Variants in SEC22A observed in about 807,000 individuals in gnomAD.
The protein encoded by SEC22A is SEC22 homolog A, vesicle trafficking protein.
In SEC22A, 22 loss-of-function variants were observed where a neutral mutation model predicts 35.3. That is an observed-to-expected ratio of 0.62 (90% CI 0.45 to 0.89). The LOEUF is 0.89. Ranked by LOEUF, SEC22A falls within the 40% of genes least tolerant of loss-of-function variation. The pLI is 0.00. For missense variants in SEC22A, 354 were observed against 362.5 expected, an observed-to-expected ratio of 0.98 and a Z score of 0.19; for synonymous variants, 119 against 129.5, an observed-to-expected ratio of 0.92 and a Z score of 0.55.
chr3:123,242,575 A>G (rs527358895), intron 4 of SEC22A, among the ~76,000 whole-genome samples: 4 of 151,066 alleles, frequency 2.6e-5, no homozygotes, highest in East Asian at 3.9e-4. Flanking sequence ...TACTGTGACT[A>G]TTCTGATTCA....
intron 5 of SEC22A, 58 bp downstream of exon 5, chr3:123,246,072 T>C: frequency 1.2e-6 from 1 of 855,948 alleles, no homozygotes; most frequent in Non-Finnish European, 2.0e-6. Flanking sequence ...ACTGGTTACA[T>C]AATTGATTTG....
At chr3:123,271,065 G>A (rs569392174) in intron 6 of SEC22A, among the ~76,000 whole-genome samples, 100 of 152,262 alleles carry the variant, frequency 6.6e-4, no homozygotes, top group African/African-American at 2.2e-3. Context: ...CTCAGTGGGC[G>A]ACTAGTAAAA....
rs35775511 is a variant in SEC22A, at chr3:123,241,002, T to TACACACACACAC, written c.542-4867_542-4856dup. Among the ~76,000 whole-genome samples the TACACACACACAC allele has an allele frequency of 4.9e-3, 699 of 142,658 alleles. 8 individuals are homozygous for TACACACACACAC. Among genetic ancestry groups the TACACACACACAC allele is most frequent in the East Asian group, 0.032 (148 of 4,616 alleles). 93.6% of individuals were successfully genotyped at this position (142,658 alleles called of 152,430 possible). On this transcript the variant is annotated intron_variant, in intron 4 of 6. Transcript: ENST00000492595. ...AATAGATTTACTAATCTCTCTTTCT[T>TACACACACACAC]ACACACACACACACACACACACACA...
chr3:123,236,409 A>G (rs936525190), intron 4 of SEC22A, among the ~76,000 whole-genome samples: 29 of 152,098 alleles, frequency 1.9e-4, no homozygotes, highest in African/African-American at 6.5e-4. Context: ...ATCTCTGGAG[A>G]TCCAACAAGA....
chr3:123,268,285 GA>G (rs1559766042), intron 6 of SEC22A, among the ~76,000 whole-genome samples: 1 of 152,170 alleles, frequency 6.6e-6, no homozygotes, highest in Admixed American at 6.5e-5. Context: ...AGATGTTATT[GA>G]GGGTCTTTTT....
intron 1 of SEC22A, among the ~76,000 whole-genome samples, chr3:123,205,088 G>GA (rs1936830225): frequency 1.3e-5 from 2 of 152,090 alleles, no homozygotes; most frequent in South Asian, 4.2e-4. Context: ...GTGGTAAAAA[G>GA]AAAAAAAGTA....
At chr3:123,204,450 A>G in intron 1 of SEC22A, among the ~76,000 whole-genome samples, 1 of 152,192 alleles carries the variant, frequency 6.6e-6, no homozygotes, top group Admixed American at 6.5e-5. Context: ...TTGTGAAAGC[A>G]TTTGGTTAGA....
At chr3:123,215,863 CTTT>C (rs1203067814) in intron 2 of SEC22A, among the ~76,000 whole-genome samples, 3 of 152,228 alleles carry the variant, frequency 2.0e-5, no homozygotes, top group Admixed American at 2.0e-4. Flanking sequence ...CCACCCCCCT[CTTT>C]TTTTGGTCAA....
At chr3:123,223,820 T>C (rs906610537) in intron 3 of SEC22A, 98 bp downstream of exon 3, 1 of 808,706 alleles carries the variant, frequency 1.2e-6, no homozygotes, top group Non-Finnish European at 1.9e-6. Context: ...TCTGCTATCT[T>C]GCTTTTGATA....
chr3:123,241,472 TCTTTG>T (rs1322707422), intron 4 of SEC22A, among the ~76,000 whole-genome samples: 2 of 152,168 alleles, frequency 1.3e-5, no homozygotes, highest in African/African-American at 4.8e-5. Context: ...TGGTACCATC[TCTTTG>T]AATCGTCATA....
chr3:123,272,607 G>T lies in SEC22A; in HGVS notation c.*885G>T, dbSNP rs11717595. On this transcript the variant is annotated 3_prime_UTR_variant, in exon 7 of 7. Transcript: ENST00000492595. ...AGATGAACACAAAAAATGTTGTTCA[G>T]TTCTAGCTAGAAACTAATGCCTAGA... The T allele has an allele frequency of 4.6e-5, 7 of 152,242 alleles. No homozygotes were observed. The highest frequency in any genetic ancestry group is 7.4e-5 in the Non-Finnish European group (5 of 68,020). The allele number at this position is 152,242 out of a possible 1,614,324, so 9.4% of individuals were successfully genotyped here.
At chr3:123,270,872 TA>T (rs1363386933) in intron 6 of SEC22A, among the ~76,000 whole-genome samples, 20 of 152,352 alleles carry the variant, frequency 1.3e-4, no homozygotes, top group African/African-American at 4.8e-4. Flanking sequence ...TTTGATATTA[TA>T]TATTTAAAAT....
intron 3 of SEC22A, 134 bp downstream of exon 3, chr3:123,223,856 A>G (rs1347472802): frequency 1.6e-6 from 1 of 634,916 alleles, no homozygotes; most frequent in Non-Finnish European, 2.6e-6. Context: ...TGATCTATAA[A>G]TTATGGTAAC....
At chr3:123,243,395 T>C (rs1937541338) in intron 4 of SEC22A, among the ~76,000 whole-genome samples, 1 of 152,146 alleles carries the variant, frequency 6.6e-6, no homozygotes, top group Admixed American at 6.6e-5. Context: ...GAAGTAGTAG[T>C]TGTTGATGCT....
Position 123,271,600 on chromosome 3 carries a change from A to G in SEC22A, c.802A>G (p.Met268Val). The stretch of plus-strand genomic sequence containing the variant: ...TTTTGGCTTAATCTGTCTATGCAAC[A>G]TGTATCTCTATGAACTGCGCAACCT... ...LTFGLICLCN[M>V]YLYELRNLWQ... Residue 268 changes from methionine (M) to valine (V), a missense_variant, in exon 7 of 7, where the codon ATG becomes GTG. By Grantham distance (21) the Met-to-Val change is conservative. Coordinates refer to ENST00000492595, the MANE Select transcript of SEC22A (RefSeq NM_012430.5). The G allele has an allele frequency of 1.2e-6, 2 of 1,614,186 alleles. No individual in the cohort carries two copies. Among genetic ancestry groups the G allele is most frequent in the Non-Finnish European group, 1.7e-6 (2 of 1,180,020 alleles).
At chr3:123,202,011 T>A (rs1382126482) in intron 1 of SEC22A, 25 bp downstream of exon 1, 4 of 152,838 alleles carry the variant, frequency 2.6e-5, no homozygotes, top group Non-Finnish European at 5.9e-5. Context: ...CTCCCAGTCC[T>A]CTTCTTCCTT....
At chr3:123,265,002 T>C (rs1441230021) in intron 6 of SEC22A, among the ~76,000 whole-genome samples, 2 of 152,154 alleles carry the variant, frequency 1.3e-5, no homozygotes, top group African/African-American at 2.4e-5. Context: ...TAAAGAGTTT[T>C]TTATACAATT....
intron 2 of SEC22A, among the ~76,000 whole-genome samples, chr3:123,214,032 A>T (rs1158368320): frequency 1.7e-4 from 26 of 151,896 alleles, no homozygotes; most frequent in Non-Finnish European, 5.9e-5. Context: ...AAAAATAAAA[A>T]AAATAAAAAA....
intron 4 of SEC22A, among the ~76,000 whole-genome samples, chr3:123,229,109 A>C (rs181748812): frequency 1.8e-3 from 272 of 152,356 alleles, no homozygotes; most frequent in African/African-American, 6.3e-3. Flanking sequence ...GATTTACTGA[A>C]GAACATTAGT....
Sources: gnomAD v4.1 joint callset for allele counts (sites outside exome capture counted in the v4.1 genomes callset) on GRCh38, gnomAD v4.1.1 for gene constraint, MANE v1.5 for transcripts, NCBI Gene and HGNC (gene_info 2026-07-23, HGNC 2026-07-21) for gene names.